Variants in RBFOX1 observed in about 807,000 individuals in gnomAD.
RBFOX1 encodes the protein RNA binding protein fox-1 homolog 1.
RBFOX1 carries 8 observed loss-of-function variants against 57.7 expected under a neutral mutation model. The ratio of observed to expected loss-of-function variants is 0.14; its 90% confidence interval spans 0.08 to 0.25. The LOEUF (loss-of-function observed/expected upper bound fraction) is 0.25. Among genes scored for constraint, RBFOX1 ranks in the 10% least tolerant of loss-of-function variants. The pLI is 1.00. For missense variants in RBFOX1, 611 were observed against 548.5 expected (o/e 1.11, Z -1.14); for synonymous variants, 326 against 222.4 (o/e 1.47, Z -4.15).
intron 1 of RBFOX1, among the ~76,000 whole-genome samples, chr16:6,279,606 A>G (rs1283116650): frequency 6.6e-6 from 1 of 152,194 alleles, no homozygotes; most frequent in Non-Finnish European, 1.5e-5. Context: ...TTGGAGAAGG[A>G]ACACTGAGAC....
intron 2 of RBFOX1, among the ~76,000 whole-genome samples, chr16:5,494,023 A>G (rs2042919424): frequency 6.6e-6 from 1 of 152,232 alleles, no homozygotes; most frequent in Non-Finnish European, 1.5e-5. Flanking sequence ...GTGAAGACTC[A>G]CGAGGTGATT....
chr16:6,683,292 C>T (rs1249544227), intron 3 of RBFOX1, among the ~76,000 whole-genome samples: 2 of 151,926 alleles, frequency 1.3e-5, no homozygotes, highest in Admixed American at 6.6e-5. Flanking sequence ...TGTTAATGAC[C>T]CTTGAGACCT....
In RBFOX1 at chr16:6,091,371, G is replaced by T. The variant is rs2096170740; in HGVS notation, c.-127+71379G>T. ...CTTCCCTATGTAAATGCAGCACATT[G>T]TCATACTCTCTCAACACACTCTTAT... On this transcript the variant is annotated intron_variant, in intron 1 of 15. Coordinates refer to ENST00000550418, the MANE Select transcript of RBFOX1 (RefSeq NM_018723.4). 2.0e-5 allele frequency among the ~76,000 whole-genome samples: 3 copies of T among 152,150 alleles called. No homozygotes were observed. The South Asian group carries it at 6.2e-4, about 32-fold the overall frequency.
intron 1 of RBFOX1, among the ~76,000 whole-genome samples, chr16:5,347,837 C>T (rs935415198): frequency 4.7e-5 from 7 of 148,976 alleles, no homozygotes; most frequent in Admixed American, 2.0e-4. Context: ...CTTCCACCCA[C>T]CTGTCAGCCC....
chr16:7,078,852 T>A (rs2058709591), intron 4 of RBFOX1, among the ~76,000 whole-genome samples: 1 of 141,120 alleles, frequency 7.1e-6, no homozygotes, highest in African/African-American at 2.6e-5. Context: ...CCAGCTAATT[T>A]ATATATATAC....
intron 4 of RBFOX1, among the ~76,000 whole-genome samples, chr16:7,323,042 C>T (rs2096565982): frequency 6.6e-6 from 1 of 152,086 alleles, no homozygotes; most frequent in Non-Finnish European, 1.5e-5. Flanking sequence ...ATTTGTATTC[C>T]TTTACCTCTA....
chr16:5,428,264 G>T (rs1358989575), intron 1 of RBFOX1, among the ~76,000 whole-genome samples: 1 of 152,144 alleles, frequency 6.6e-6, no homozygotes, highest in African/African-American at 2.4e-5. Context: ...GTACAAACTT[G>T]CTATTGCTTG....
chr16:5,948,595 G>T (rs770683837), intron 4 of RBFOX1, among the ~76,000 whole-genome samples: 21 of 152,206 alleles, frequency 1.4e-4, no homozygotes, highest in Non-Finnish European at 1.9e-4. Flanking sequence ...CTACAGGGAA[G>T]GCCGTGCGAT....
chr16:5,893,837 T>C (rs2058098951), intron 4 of RBFOX1, among the ~76,000 whole-genome samples: 1 of 151,476 alleles, frequency 6.6e-6, no homozygotes, highest in East Asian at 1.9e-4. Flanking sequence ...AACCCATAAA[T>C]ATATGCACCT....
At chr16:6,628,203 T>G (rs1195833135) in intron 2 of RBFOX1, among the ~76,000 whole-genome samples, 2 of 152,206 alleles carry the variant, frequency 1.3e-5, no homozygotes, top group South Asian at 4.1e-4. Flanking sequence ...CTCACCAGTC[T>G]CCCTGGGGGT....
intron 1 of RBFOX1, among the ~76,000 whole-genome samples, chr16:6,240,684 T>A (rs2097535497): frequency 6.7e-6 from 1 of 149,372 alleles, no homozygotes; most frequent in South Asian, 2.1e-4. Context: ...TTCTTTTTCC[T>A]AAAAAAAAAA....
chr16:6,132,855 C>G (rs956484598), intron 1 of RBFOX1, among the ~76,000 whole-genome samples: 1 of 151,524 alleles, frequency 6.6e-6, no homozygotes, highest in Non-Finnish European at 1.5e-5. Flanking sequence ...GGCATGGTGG[C>G]GCATGCCTGT....
At chr16:5,841,291 G>A (rs1350403866) in intron 3 of RBFOX1, among the ~76,000 whole-genome samples, 1 of 152,196 alleles carries the variant, frequency 6.6e-6, no homozygotes, top group African/African-American at 2.4e-5. Flanking sequence ...GCAGAGCCAG[G>A]ATTTGAACCC....
intron 4 of RBFOX1, among the ~76,000 whole-genome samples, chr16:7,403,566 C>G (rs1015192277): frequency 2.8e-5 from 4 of 144,658 alleles, no homozygotes; most frequent in Non-Finnish European, 4.6e-5. Context: ...AGAGAATCCC[C>G]CCCCCCCCAC....
At chr16:5,941,910 C>A (rs1328804666) in intron 4 of RBFOX1, among the ~76,000 whole-genome samples, 3 of 151,536 alleles carry the variant, frequency 2.0e-5, no homozygotes, top group Non-Finnish European at 4.4e-5. Context: ...GGAAATGTAC[C>A]TGGTATGAAC....
chr16:6,516,646 A>G (rs556162401), intron 2 of RBFOX1, among the ~76,000 whole-genome samples: 1 of 152,204 alleles, frequency 6.6e-6, no homozygotes, highest in East Asian at 1.9e-4. Flanking sequence ...AGGCATTGGA[A>G]GACAATCTGT....
intron 2 of RBFOX1, among the ~76,000 whole-genome samples, chr16:5,533,724 G>C (rs2044579446): frequency 6.6e-6 from 1 of 152,218 alleles, no homozygotes; most frequent in Non-Finnish European, 1.5e-5. Context: ...ACCATGTGGA[G>C]TGTGTTTCAA....
chr16:5,502,073 A>C (rs904441412), intron 2 of RBFOX1, among the ~76,000 whole-genome samples: 1 of 151,886 alleles, frequency 6.6e-6, no homozygotes, highest in Non-Finnish European at 1.5e-5. Context: ...TACTGAGGAG[A>C]CAGGTAAGCA....
At chr16:5,711,817 G>T (rs2051497482) in intron 3 of RBFOX1, among the ~76,000 whole-genome samples, 1 of 152,216 alleles carries the variant, frequency 6.6e-6, no homozygotes, top group Non-Finnish European at 1.5e-5. Flanking sequence ...CACTTGACAG[G>T]CTGGAGACTT....
Sources: gnomAD v4.1 joint callset for allele counts (sites outside exome capture counted in the v4.1 genomes callset) on GRCh38, gnomAD v4.1.1 for gene constraint, MANE v1.5 for transcripts, NCBI Gene and HGNC (gene_info 2026-07-23, HGNC 2026-07-21) for gene names.